Variants in DTL observed in about 807,000 individuals in gnomAD.
DTL encodes the protein denticleless protein homolog.
In DTL, 46 loss-of-function variants were observed where a neutral mutation model predicts 87.0. The ratio of observed to expected loss-of-function variants is 0.53; its 90% CI spans 0.42 to 0.68. DTL has a LOEUF of 0.68. DTL is among the 30% of genes least tolerant of loss of function. The probability of loss-of-function intolerance (pLI) is 0.00; values close to 1 mark genes in which losing one functional copy is unlikely to be tolerated. For synonymous variants in DTL, 308 were observed against 311.2 expected, an observed-to-expected ratio of 0.99 and a Z score of 0.11; for missense variants, 737 against 869.4, an observed-to-expected ratio of 0.85 and a Z score of 1.91.
rs372360445 is a variant in DTL at position 212,061,171 on chromosome 1, A to G, written c.461-1713A>G. 3.6e-4 allele frequency among the ~76,000 whole-genome samples: 54 copies of G among 151,922 alleles called. 2 individuals are homozygous for G. The South Asian group carries it at 0.011, about 30-fold the overall frequency. The stretch of plus-strand genomic sequence containing the variant: ...GTCCCAGCTACTTGGTGGGGCTGAG[A>G]TGAGAGGATCACTGAGCCCTGAGCG... On this transcript the variant is annotated intron_variant, in intron 5 of 14. Coordinates refer to ENST00000366991, the MANE Select transcript of DTL (RefSeq NM_016448.4).
chr1:212,065,449 A>G (rs1023258197), intron 7 of DTL, among the ~76,000 whole-genome samples: 1 of 152,228 alleles, frequency 6.6e-6, no homozygotes, highest in South Asian at 2.1e-4. Context: ...AATCAGGGTA[A>G]TTGAGATAGC....
chr1:212,050,602 A>C (rs1234849211), intron 5 of DTL, among the ~76,000 whole-genome samples: 1 of 152,170 alleles, frequency 6.6e-6, no homozygotes, highest in South Asian at 2.1e-4. Flanking sequence ...AAGGGATTTC[A>C]ATGTGTAGCT....
intron 5 of DTL, 65 bp downstream of exon 5, chr1:212,047,482 T>C: frequency 9.4e-6 from 15 of 1,588,222 alleles, no homozygotes; most frequent in Non-Finnish European, 1.3e-5. Flanking sequence ...TAAGAACCTG[T>C]AATTGTTTCT....
chr1:212,061,475 C>T (rs1654299488), intron 5 of DTL, among the ~76,000 whole-genome samples: 1 of 139,262 alleles, frequency 7.2e-6, no homozygotes, highest in East Asian at 2.1e-4. Context: ...AGTCCAGTCA[C>T]TATGGAAAAC....
Position 212,100,287 on chromosome 1 carries a change from G to GC in DTL, c.1302dup (p.Arg435GlnfsTer36). ...GAGTAGCCAGAGTACTCCTGCCAAAGCCCCCAGGGCAAAGTGCAATCCATC... is the reference window on the plus strand; with the variant it reads ...GAGTAGCCAGAGTACTCCTGCCAAAGCCCCCCAGGGCAAAGTGCAATCCATC... On this transcript the variant is annotated frameshift_variant, in exon 14 of 15. Coordinates refer to ENST00000366991, the MANE Select transcript of DTL (RefSeq NM_016448.4). LOFTEE classifies it high-confidence loss of function. 1.3e-6 allele frequency: 2 copies of GC among 1,588,406 alleles called. No homozygotes were observed. Among genetic ancestry groups the GC allele is most frequent in the Non-Finnish European group, 1.7e-6 (2 of 1,169,492 alleles).
intron 13 of DTL, among the ~76,000 whole-genome samples, chr1:212,088,203 T>G (rs1292729700): frequency 6.6e-6 from 1 of 152,200 alleles, no homozygotes; most frequent in East Asian, 1.9e-4. Context: ...ATAAAGTTGA[T>G]TATCCTTATC....
intron 5 of DTL, 96 bp from the exon 6 acceptor site, chr1:212,062,788 T>A: frequency 1.1e-6 from 1 of 909,834 alleles, no homozygotes. Context: ...ATACAGTACC[T>A]AGCACATAAT....
At chr1:212,058,284 A>C (rs961499350) in intron 5 of DTL, among the ~76,000 whole-genome samples, 14 of 152,224 alleles carry the variant, frequency 9.2e-5, no homozygotes, top group Non-Finnish European at 2.9e-5. Context: ...AATATTCTCC[A>C]AGCTAGACCA....
intron 10 of DTL, among the ~76,000 whole-genome samples, chr1:212,068,975 A>G (rs1654591210): frequency 6.6e-6 from 1 of 152,128 alleles, no homozygotes; most frequent in Non-Finnish European, 1.5e-5. Context: ...AATTCTCTCA[A>G]TTTTTTATTT....
At chr1:212,066,720 G>A (rs2102552391) in intron 7 of DTL, 92 bp from the exon 8 acceptor site, 1 of 991,406 alleles carries the variant, frequency 1.0e-6, no homozygotes, top group Non-Finnish European at 1.6e-6. Context: ...AAGTCAGTCT[G>A]GGGAGAAAAG....
chr1:212,053,085 C>T (rs1229401977), intron 5 of DTL, among the ~76,000 whole-genome samples: 6 of 152,186 alleles, frequency 3.9e-5, no homozygotes, highest in Non-Finnish European at 2.9e-5. Context: ...AATATGTGGT[C>T]TTCTGTGACT....
chr1:212,097,357 G>A (rs138497532), intron 13 of DTL, among the ~76,000 whole-genome samples: 229 of 152,174 alleles, frequency 1.5e-3, no homozygotes, highest in African/African-American at 5.4e-3. Flanking sequence ...AATTTCCTGG[G>A]TGTTCTTTGA....
intron 1 of DTL, among the ~76,000 whole-genome samples, chr1:212,039,911 G>A (rs943002637): frequency 6.6e-6 from 1 of 152,208 alleles, no homozygotes; most frequent in Non-Finnish European, 1.5e-5. Context: ...CAGTGAGTGA[G>A]TAGTCAGTCA....
chr1:212,087,742 A>C (rs920905936), intron 13 of DTL, among the ~76,000 whole-genome samples: 2 of 152,168 alleles, frequency 1.3e-5, no homozygotes, highest in African/African-American at 4.8e-5. Flanking sequence ...TTCCAGCCAC[A>C]GATTTGCTGC....
intron 7 of DTL, among the ~76,000 whole-genome samples, chr1:212,065,687 C>T (rs551229450): frequency 2.6e-5 from 4 of 152,266 alleles, no homozygotes; most frequent in South Asian, 4.1e-4. Context: ...CTGTTGTTTT[C>T]GTAATACAAA....
At chr1:212,061,247 C>CA (rs1258680124) in intron 5 of DTL, among the ~76,000 whole-genome samples, 5,445 of 105,198 alleles carry the variant, frequency 0.052, 266 homozygotes, top group African/African-American at 0.15. Context: ...GATCCTGTCT[C>CA]AAAAAAAAAA....
chr1:212,052,040 C>G lies in DTL; in HGVS notation c.460+4623C>G, dbSNP rs1012758826. On this transcript the variant is annotated intron_variant, in intron 5 of 14. Coordinates refer to ENST00000366991, the MANE Select transcript of DTL (RefSeq NM_016448.4). Reference sequence around the variant, plus strand: ...ATTACTGGAAGATGGCGGTTCCGGCCGAAAAGAAGCTGGATATGAAATTCT... The same window carrying G: ...ATTACTGGAAGATGGCGGTTCCGGCGGAAAAGAAGCTGGATATGAAATTCT... The G allele has an allele frequency of 4.1e-6, 4 of 967,728 alleles. No individual in the cohort carries two copies. In the Admixed American group the frequency reaches 5.1e-5, roughly 12 times the overall value. The allele number at this position is 967,728 out of a possible 1,614,324, so 59.9% of individuals were successfully genotyped here. A position where few individuals can be genotyped will look rare whatever the true frequency, so the allele number is the denominator to read the frequency against.
In DTL at chr1:212,103,157, G is replaced by T; in HGVS notation, c.*217G>T. The T allele has an allele frequency of 3.2e-6, 1 of 315,976 alleles. No homozygotes were observed. Among genetic ancestry groups the T allele is most frequent in the Non-Finnish European group, 5.7e-6 (1 of 174,076 alleles). 19.6% of individuals were successfully genotyped at this position (315,976 alleles called of 1,614,324 possible). Reference sequence around the variant, plus strand: ...GCAGCTTCCCGAGGATGAATGCTGTGTTTAAATTTCATAAAGTAAATTTGT... The same window carrying T: ...GCAGCTTCCCGAGGATGAATGCTGTTTTTAAATTTCATAAAGTAAATTTGT... On this transcript the variant is annotated 3_prime_UTR_variant, in exon 15 of 15. Transcript: ENST00000366991.
rs1373353193 is a variant in DTL at position 212,055,159 on chromosome 1, G to A, written c.461-7725G>A. On this transcript the variant is annotated intron_variant, in intron 5 of 14. Coordinates refer to ENST00000366991, the MANE Select transcript of DTL (RefSeq NM_016448.4). ...CAACAGAGAAGTGATAAGAAGCTCC[G>A]GAAGCAAGGAAGGAGAGAAAAGTAA... Among the ~76,000 whole-genome samples the A allele has an allele frequency of 6.7e-5, 10 of 149,838 alleles. No individual in the cohort carries two copies. In the South Asian group the frequency reaches 1.9e-3, roughly 28 times the overall value.
Sources: allele counts gnomAD v4.1 joint callset (sites outside exome capture counted in the v4.1 genomes callset), GRCh38; gene constraint gnomAD v4.1.1; transcripts MANE v1.5; gene names NCBI Gene and HGNC (gene_info 2026-07-23, HGNC 2026-07-21).